HRH2: variants seen among roughly 807,000 people sequenced by gnomAD.
HRH2 encodes histamine receptor H2, also known as histamine H2 receptor.
HRH2 carries 4 observed loss-of-function variants against 20.1 expected under a neutral mutation model. The observed-to-expected ratio is 0.20, with a 90% CI of 0.10 to 0.45. HRH2 has a LOEUF of 0.45. Among genes scored for constraint, HRH2 ranks in the 20% least tolerant of loss-of-function variants. The probability of loss-of-function intolerance (pLI) is 0.99; values close to 1 mark genes in which losing one functional copy is unlikely to be tolerated. For synonymous variants in HRH2, 197 were observed against 200.7 expected, an observed-to-expected ratio of 0.98 and a Z score of 0.16; for missense variants, 250 against 461.6, an observed-to-expected ratio of 0.54 and a Z score of 4.20.
At position 175,683,177 on chromosome 5, in the gene HRH2, A is replaced by C; in HGVS notation, c.-57A>C. 1.9e-6 allele frequency: 3 copies of C among 1,553,934 alleles called. No individual in the cohort carries two copies. The highest frequency in any genetic ancestry group is 2.6e-6 in the Non-Finnish European group (3 of 1,148,944). On this transcript the variant is annotated 5_prime_UTR_variant, in exon 2 of 3. Coordinates refer to ENST00000636584, the MANE Select transcript of HRH2 (RefSeq NM_001367711.1). Reference sequence around the variant, plus strand: ...TGGTTGGCATAGTTGTCACATTGGGAGCAGAGAAGAAGCAACCAGGGGCCC... The same window carrying C: ...TGGTTGGCATAGTTGTCACATTGGGCGCAGAGAAGAAGCAACCAGGGGCCC...
intron 2 of HRH2, among the ~76,000 whole-genome samples, chr5:175,694,659 T>C (rs1756508421): frequency 6.6e-6 from 1 of 152,106 alleles, no homozygotes; most frequent in Non-Finnish European, 1.5e-5. Flanking sequence ...GGGTGCAGCA[T>C]GAGGCCTCCT....
rs534935034 is a variant in HRH2 at position 175,687,344 on chromosome 5, G to A, written c.1076+3035G>A. On this transcript the variant is annotated intron_variant, in intron 2 of 2. Coordinates refer to ENST00000636584, the MANE Select transcript of HRH2 (RefSeq NM_001367711.1). The surrounding 1 kb of genome is among the most constrained non-coding windows in gnomAD (Gnocchi z 5.2). ...CAGCTCTCCGTCTGGGGACAAACCC[G>A]CACTGACCCAGAGCCGTTATCACTG... 2.9e-4 allele frequency among the ~76,000 whole-genome samples: 44 copies of A among 152,276 alleles called. No homozygotes were observed. The highest frequency in any genetic ancestry group is 4.7e-4 in the Non-Finnish European group (32 of 68,018).
intron 2 of HRH2, among the ~76,000 whole-genome samples, chr5:175,703,001 A>T (rs1266440994): frequency 6.6e-6 from 1 of 152,350 alleles, no homozygotes; most frequent in African/African-American, 2.4e-5. Flanking sequence ...CAGAACTACA[A>T]AGAGAAATTA....
chr5:175,670,665 G>A (rs1755496690), intron 1 of HRH2, among the ~76,000 whole-genome samples: 1 of 152,214 alleles, frequency 6.6e-6, no homozygotes. Flanking sequence ...CACCGCCACA[G>A]CCAGGCTGCA....
intron 1 of HRH2, among the ~76,000 whole-genome samples, chr5:175,678,639 G>T (rs1268985544): frequency 6.6e-6 from 1 of 152,222 alleles, no homozygotes; most frequent in Non-Finnish European, 1.5e-5. Flanking sequence ...TTGCCGTGAC[G>T]CTCGCCCAGA....
At chr5:175,690,559 C>CTT (rs1491528648) in intron 2 of HRH2, among the ~76,000 whole-genome samples, 2 of 151,450 alleles carry the variant, frequency 1.3e-5, no homozygotes, top group African/African-American at 2.5e-5. Flanking sequence ...GCCTGCCTGC[C>CTT]TTTTTCTTTC....
At chr5:175,696,408 T>C (rs1272513926) in intron 2 of HRH2, among the ~76,000 whole-genome samples, 2 of 152,164 alleles carry the variant, frequency 1.3e-5, no homozygotes, top group Non-Finnish European at 2.9e-5. Flanking sequence ...CACTTTGCCG[T>C]GGGGCCACCC....
At chr5:175,670,554 C>T (rs1157209780) in intron 1 of HRH2, among the ~76,000 whole-genome samples, 1 of 152,202 alleles carries the variant, frequency 6.6e-6, no homozygotes, top group Non-Finnish European at 1.5e-5. Context: ...AGGGACTCTT[C>T]CACTCACAGT....
intron 2 of HRH2, chr5:175,685,347 C>T: frequency 6.9e-7 from 1 of 1,453,344 alleles, no homozygotes. Context: ...AAAGAATGCT[C>T]AGAGGATACC....
intron 2 of HRH2, among the ~76,000 whole-genome samples, chr5:175,699,634 C>A (rs1014265272): frequency 6.6e-6 from 1 of 152,154 alleles, no homozygotes; most frequent in Non-Finnish European, 1.5e-5. Context: ...AGTGCAGTGG[C>A]GTGACCTCGG....
At chr5:175,664,652 G>A (rs1327210750) in intron 1 of HRH2, among the ~76,000 whole-genome samples, 14 of 152,064 alleles carry the variant, frequency 9.2e-5, no homozygotes, top group African/African-American at 2.4e-4. Context: ...TGGGAGCCAC[G>A]GCAGGATTTT....
At position 175,709,007 on chromosome 5, in the gene HRH2, AT is replaced by A. The variant is rs1297440120; in HGVS notation, c.*1038del. 6.6e-6 allele frequency: 1 copy of A among 151,970 alleles called. No individual in the cohort carries two copies. The highest frequency in any genetic ancestry group is 1.5e-5 in the Non-Finnish European group (1 of 68,038). The allele number at this position is 151,970 out of a possible 1,614,324, so 9.4% of individuals were successfully genotyped here. A position where few individuals can be genotyped will look rare whatever the true frequency, so the allele number is the denominator to read the frequency against. ...TCCTGACCACTCTAAGCAGCTTTTG[AT>A]TCCCCTGTCCAAGAGGGTAGGCCCC... On this transcript the variant is annotated 3_prime_UTR_variant, in exon 3 of 3. Coordinates refer to ENST00000636584, the MANE Select transcript of HRH2 (RefSeq NM_001367711.1).
intron 2 of HRH2, among the ~76,000 whole-genome samples, chr5:175,698,270 C>G (rs889374683): frequency 6.6e-6 from 1 of 152,212 alleles, no homozygotes; most frequent in Admixed American, 6.5e-5. Context: ...CCGTATCCCT[C>G]GTATTATCCG....
At chr5:175,698,257 T>C (rs1163189686) in intron 2 of HRH2, among the ~76,000 whole-genome samples, 1 of 152,196 alleles carries the variant, frequency 6.6e-6, no homozygotes, top group Non-Finnish European at 1.5e-5. Context: ...GCCCAGATCA[T>C]CTCCGTATCC....
intron 2 of HRH2, among the ~76,000 whole-genome samples, chr5:175,698,288 C>T (rs905605396): frequency 3.9e-5 from 6 of 152,176 alleles, no homozygotes; most frequent in Non-Finnish European, 5.9e-5. Context: ...CCGTCTGTGC[C>T]GTTTCGCCTA....
intron 1 of HRH2, among the ~76,000 whole-genome samples, chr5:175,672,062 C>A (rs1755565638): frequency 6.6e-6 from 1 of 152,146 alleles, no homozygotes; most frequent in Non-Finnish European, 1.5e-5. Flanking sequence ...TCCCTTCACC[C>A]CTCCACACAC....
chr5:175,679,789 G>C (rs555067323), intron 1 of HRH2, among the ~76,000 whole-genome samples: 1 of 152,324 alleles, frequency 6.6e-6, no homozygotes, highest in Admixed American at 6.5e-5. Flanking sequence ...TCGGTTGCCT[G>C]AGTGTCTGTG....
rs181323202 is a variant in HRH2 at position 175,707,941 on chromosome 5, G to A, written c.1239G>A (p.Ala413=). The change falls in exon 3 of 3, where the codon GCG becomes GCA. Residue 413 remains alanine, a synonymous_variant. Coordinates refer to ENST00000636584, the MANE Select transcript of HRH2 (RefSeq NM_001367711.1). ...EEPQKRPPQK[A]VRTLPSEAV ...CACAGAAGAGACCTCCCCAGAAAGC[G>A]GTGAGGACGCTGCCCTCTGAGGCTG... 13 of 399,086 alleles carry A rather than the reference G, an allele frequency of 3.3e-5. No individual in the cohort carries two copies. Among genetic ancestry groups the A allele is most frequent in the Admixed American group, 4.4e-5 (1 of 22,734 alleles). 24.7% of individuals were successfully genotyped at this position (399,086 alleles called of 1,614,324 possible). A position where few individuals can be genotyped will look rare whatever the true frequency, so the allele number is the denominator to read the frequency against.
intron 2 of HRH2, among the ~76,000 whole-genome samples, chr5:175,692,460 T>C (rs1477867499): frequency 6.6e-6 from 1 of 152,260 alleles, no homozygotes; most frequent in Non-Finnish European, 1.5e-5. Flanking sequence ...GGCAGGTGGC[T>C]TGCCCTCTCT....
Sources: gnomAD v4.1 joint callset for allele counts (sites outside exome capture counted in the v4.1 genomes callset) on GRCh38, gnomAD v4.1.1 for gene constraint, Gnocchi (gnomAD v3.1) non-coding constraint, MANE v1.5 for transcripts, NCBI Gene and HGNC (gene_info 2026-07-23, HGNC 2026-07-21) for gene names.